The following DPP10 variants were observed in gnomAD, a reference collection of about 807,000 sequenced individuals.
The protein encoded by DPP10 is dipeptidyl peptidase like 10.
A neutral mutation model predicts 120.9 loss-of-function variants in DPP10; 33 were observed. The ratio of observed to expected loss-of-function variants is 0.27; its 90% confidence interval spans 0.21 to 0.37. The LOEUF (loss-of-function observed/expected upper bound fraction) is 0.37. Ranked by LOEUF, DPP10 falls within the 10% of genes least tolerant of loss-of-function variation. DPP10 has a pLI of 1.00. For synonymous variants in DPP10, 337 were observed against 326.1 expected (o/e 1.03, Z -0.36); for missense variants, 816 against 942.8 (o/e 0.87, Z 1.76).
chr2:115,474,225 T>A (rs183942748), intron 3 of DPP10, among the ~76,000 whole-genome samples: 33 of 152,186 alleles, frequency 2.2e-4, no homozygotes, highest in African/African-American at 8.0e-4. Flanking sequence ...AAGATTTTTC[T>A]CAAGGTTCAA....
chr2:114,498,539 G>T (rs1352900056), intron 1 of DPP10, among the ~76,000 whole-genome samples: 1 of 152,174 alleles, frequency 6.6e-6, no homozygotes, highest in Non-Finnish European at 1.5e-5. Flanking sequence ...TCACAGTTCT[G>T]CAGGCTGGGA....
chr2:115,098,244 G>A (rs557644500), intron 1 of DPP10, among the ~76,000 whole-genome samples: 1 of 152,134 alleles, frequency 6.6e-6, no homozygotes. Context: ...AGTTGGGGGA[G>A]TAACAGCTTC....
intron 1 of DPP10, among the ~76,000 whole-genome samples, chr2:114,840,984 G>T (rs762615583): frequency 7.2e-5 from 11 of 152,102 alleles, no homozygotes; most frequent in Non-Finnish European, 1.0e-4. Context: ...ACTGGACCCT[G>T]CAGGGAGCAG....
At chr2:115,401,192 A>C (rs920097706) in intron 3 of DPP10, among the ~76,000 whole-genome samples, 1 of 152,224 alleles carries the variant, frequency 6.6e-6, no homozygotes, top group African/African-American at 2.4e-5. Context: ...TGTGTTTTCC[A>C]AACCACTCAC....
intron 1 of DPP10, among the ~76,000 whole-genome samples, chr2:114,929,168 T>C (rs1248840082): frequency 6.6e-6 from 1 of 151,910 alleles, no homozygotes; most frequent in Admixed American, 6.6e-5. Context: ...GTCACAAAGA[T>C]CCCATGCTTG....
chr2:115,375,694 G>C (rs1033476482), intron 3 of DPP10, among the ~76,000 whole-genome samples: 3 of 152,158 alleles, frequency 2.0e-5, no homozygotes, highest in Non-Finnish European at 4.4e-5. Context: ...AGTTCCACAG[G>C]CTTAACACAA....
At chr2:115,619,706 G>A (rs1354040319) in intron 5 of DPP10, among the ~76,000 whole-genome samples, 2 of 152,086 alleles carry the variant, frequency 1.3e-5, no homozygotes, top group African/African-American at 2.4e-5. Flanking sequence ...CCTTCTCAGT[G>A]TCTCTGCTTT....
intron 1 of DPP10, among the ~76,000 whole-genome samples, chr2:114,724,317 G>A (rs188114960): frequency 2.0e-5 from 3 of 152,282 alleles, no homozygotes; most frequent in Admixed American, 6.5e-5. Flanking sequence ...GTTCAATAAC[G>A]TATAATCAAT....
At chr2:114,813,993 G>A in intron 1 of DPP10, among the ~76,000 whole-genome samples, 1 of 146,184 alleles carries the variant, frequency 6.8e-6, no homozygotes. Flanking sequence ...CACACCACGA[G>A]CTGGCCATTA....
At position 115,777,263 on chromosome 2, in the gene DPP10, T is replaced by C. The variant is rs1384549802; in HGVS notation, c.1277T>C (p.Ile426Thr). The change falls in exon 14 of 26, where the codon ATA becomes ACA. Residue 426 changes from isoleucine (I) to threonine (T), a missense_variant. By Grantham distance (89) the Ile-to-Thr change is moderately conservative. This residue lies in a region of DPP10 where 592 missense variants were observed against 649.0 expected (regional missense o/e 0.91). Coordinates refer to ENST00000410059, the MANE Select transcript of DPP10 (RefSeq NM_020868.6). ...CTGACATCAGGAAACTGGGAAGTGATAAAGATCTTGGCATACGATGAAACT... is the reference window on the plus strand; with the variant it reads ...CTGACATCAGGAAACTGGGAAGTGACAAAGATCTTGGCATACGATGAAACT... ...RHLTSGNWEV[I>T]KILAYDETTQ... The C allele has an allele frequency of 1.2e-6, 2 of 1,613,200 alleles. No individual in the cohort carries two copies. The highest frequency in any genetic ancestry group is 2.2e-5 in the East Asian group (1 of 44,854).
intron 1 of DPP10, among the ~76,000 whole-genome samples, chr2:115,074,851 G>T (rs913623110): frequency 6.6e-6 from 1 of 152,132 alleles, no homozygotes; most frequent in Non-Finnish European, 1.5e-5. Flanking sequence ...GCTTATATGT[G>T]ATATATCTGA....
intron 2 of DPP10, among the ~76,000 whole-genome samples, chr2:115,334,071 C>T (rs2062939748): frequency 6.6e-6 from 1 of 151,656 alleles, no homozygotes; most frequent in Non-Finnish European, 1.5e-5. Context: ...AAACACTCTG[C>T]AGGATATTAT....
At chr2:115,007,682 T>C (rs951787818) in intron 1 of DPP10, among the ~76,000 whole-genome samples, 2 of 151,698 alleles carry the variant, frequency 1.3e-5, no homozygotes, top group South Asian at 2.1e-4. Flanking sequence ...AAAACCCCAT[T>C]GTCTCAGCCC....
chr2:115,689,189 C>T (rs1037082389), intron 5 of DPP10, among the ~76,000 whole-genome samples: 3 of 151,980 alleles, frequency 2.0e-5, no homozygotes, highest in Admixed American at 6.6e-5. Flanking sequence ...GAGCTCCATA[C>T]GGGGGCTTTA....
intron 1 of DPP10, among the ~76,000 whole-genome samples, chr2:114,761,195 A>G (rs938504044): frequency 1.3e-5 from 2 of 152,198 alleles, no homozygotes; most frequent in African/African-American, 4.8e-5. Flanking sequence ...CAGTATTCCA[A>G]TGAGTGCTAA....
At chr2:114,771,510 G>A (rs1431885413) in intron 1 of DPP10, among the ~76,000 whole-genome samples, 1 of 152,226 alleles carries the variant, frequency 6.6e-6, no homozygotes, top group African/African-American at 2.4e-5. Context: ...AGCAAAGTTA[G>A]CATGTGGTTG....
At position 115,777,248 on chromosome 2, in the gene DPP10, G is replaced by A. The variant is rs765952072; in HGVS notation, c.1262G>A (p.Gly421Glu). The change falls in exon 14 of 26, where the codon GGA (glycine) becomes GAA (glutamate). Residue 421 changes from glycine to glutamate, a missense_variant. Gly to Glu is a moderately conservative substitution (Grantham distance 98). Around this residue, in one of 3 missense-constraint regions of DPP10, gnomAD observed 592 missense variants for 649.0 expected, o/e 0.91. Transcript: ENST00000410059. ...ATTACCGTGCGGCATCTGACATCAG[G>A]AAACTGGGAAGTGATAAAGATCTTG... ...EQITVRHLTS[G>E]NWEVIKILAY... 1 of 1,613,174 alleles carries A rather than the reference G, an allele frequency of 6.2e-7. No homozygotes were observed. Among genetic ancestry groups the A allele is most frequent in the Non-Finnish European group, 8.5e-7 (1 of 1,179,378 alleles).
intron 19 of DPP10, among the ~76,000 whole-genome samples, chr2:115,810,706 C>G (rs1339129262): frequency 6.6e-6 from 1 of 152,162 alleles, no homozygotes. Context: ...CTGCTTAAAA[C>G]AGATGGAATT....
chr2:114,909,033 T>C (rs1269000248), intron 1 of DPP10, among the ~76,000 whole-genome samples: 1 of 151,872 alleles, frequency 6.6e-6, no homozygotes, highest in African/African-American at 2.4e-5. Context: ...TTCTTAAGTT[T>C]GAAAGAAATC....
Sources: allele counts gnomAD v4.1 joint callset (sites outside exome capture counted in the v4.1 genomes callset), GRCh38; gene constraint gnomAD v4.1.1; regional missense constraint gnomAD v4.1.1; transcripts MANE v1.5; gene names NCBI Gene and HGNC (gene_info 2026-07-23, HGNC 2026-07-21).